The following PTPN4 variants were observed in gnomAD, a reference collection of about 807,000 sequenced individuals.
PTPN4 encodes the protein protein tyrosine phosphatase non-receptor type 4, also known as tyrosine-protein phosphatase non-receptor type 4.
In PTPN4, 49 loss-of-function variants were observed where a neutral mutation model predicts 135.5. The ratio of observed to expected loss-of-function variants is 0.36; its 90% CI spans 0.29 to 0.46. PTPN4 has a LOEUF of 0.46. Ranked by LOEUF, PTPN4 falls within the 20% of genes least tolerant of loss-of-function variation. The probability of loss-of-function intolerance (pLI) is 1.00; values close to 1 mark genes in which losing one functional copy is unlikely to be tolerated. For missense variants in PTPN4, 860 were observed against 1,101.0 expected (o/e 0.78, Z 3.10); for synonymous variants, 333 against 369.9 (o/e 0.90, Z 1.14).
chr2:119,877,687 T>C (rs1678005380), intron 5 of PTPN4, 145 bp downstream of exon 5: 1 of 1,182,312 alleles, frequency 8.5e-7, no homozygotes, highest in Non-Finnish European at 1.1e-6. Flanking sequence ...TATTCCAAGA[T>C]AACGTTTTCC....
intron 2 of PTPN4, among the ~76,000 whole-genome samples, chr2:119,847,870 G>T (rs1325553898): frequency 6.6e-6 from 1 of 152,132 alleles, no homozygotes; most frequent in African/African-American, 2.4e-5. Flanking sequence ...TAGTGTTTTT[G>T]CCTCTTTCAG....
At chr2:119,856,026 G>T (rs970770681) in intron 2 of PTPN4, among the ~76,000 whole-genome samples, 3 of 151,958 alleles carry the variant, frequency 2.0e-5, no homozygotes, top group African/African-American at 7.3e-5. Context: ...GGATGGTCTC[G>T]ATCTCCTGAC....
intron 10 of PTPN4, among the ~76,000 whole-genome samples, chr2:119,909,267 T>A (rs1678533789): frequency 6.6e-6 from 1 of 152,210 alleles, no homozygotes; most frequent in Admixed American, 6.5e-5. Context: ...AAGGACTGAC[T>A]GACTCTCTTG....
chr2:119,801,577 T>TA (rs1558730194), intron 1 of PTPN4, among the ~76,000 whole-genome samples: 1 of 152,202 alleles, frequency 6.6e-6, no homozygotes, highest in African/African-American at 2.4e-5. Context: ...TCAATTTTTT[T>TA]ATCAGCATTT....
At chr2:119,760,733 C>CTTTTTTTTTTTTTTTTTTTTT (rs59953430) in intron 1 of PTPN4, among the ~76,000 whole-genome samples, 1 of 79,908 alleles carries the variant, frequency 1.3e-5, no homozygotes, top group African/African-American at 5.1e-5. Context: ...GGTAGAATTC[C>CTTTTTTTTTTTTTTTTTTTTT]TTTTTTTTTT....
chr2:119,915,270 A>G lies in PTPN4; in HGVS notation c.828+28A>G, dbSNP rs759829339. 16 of 1,481,408 alleles carry G rather than the reference A, an allele frequency of 1.1e-5. No individual in the cohort carries two copies. The Admixed American group carries it at 2.5e-4, about 23-fold the overall frequency. The allele number at this position is 1,481,408 out of a possible 1,614,324, so 91.8% of individuals were successfully genotyped here. ...GAGTACGGATTTAATAATTATTGAC[A>G]TAAATGAAGCCTTTTAAGAAATACC... On this transcript the variant is annotated intron_variant, in intron 11 of 26. Coordinates refer to ENST00000263708, the MANE Select transcript of PTPN4 (RefSeq NM_002830.4).
Position 119,978,164 on chromosome 2 carries a change from T to A in PTPN4, c.*1094T>A, listed in dbSNP as rs1679644878. ...TTAAAAGATGCTTTTATGCTTCAAA[T>A]TTCATATTTATTTCATCCCTAACTT... On this transcript the variant is annotated 3_prime_UTR_variant, in exon 27 of 27. Coordinates refer to ENST00000263708, the MANE Select transcript of PTPN4 (RefSeq NM_002830.4). 6.6e-6 allele frequency: 1 copy of A among 152,218 alleles called. No individual in the cohort carries two copies. The highest frequency in any genetic ancestry group is 1.5e-5 in the Non-Finnish European group (1 of 68,038). 9.4% of individuals were successfully genotyped at this position (152,218 alleles called of 1,614,324 possible). A position where few individuals can be genotyped will look rare whatever the true frequency, so the allele number is the denominator to read the frequency against.
intron 2 of PTPN4, among the ~76,000 whole-genome samples, chr2:119,814,018 A>G (rs1676947334): frequency 6.6e-6 from 1 of 152,142 alleles, no homozygotes; most frequent in Non-Finnish European, 1.5e-5. Context: ...TTAAAAAAAA[A>G]TGTATATGTG....
chr2:119,762,315 G>A (rs755464853), intron 1 of PTPN4, among the ~76,000 whole-genome samples: 1 of 151,712 alleles, frequency 6.6e-6, no homozygotes, highest in Admixed American at 6.6e-5. Flanking sequence ...TACAATTTAC[G>A]TGAGATGGTA....
At chr2:119,968,838 G>T (rs191259128) in intron 26 of PTPN4, among the ~76,000 whole-genome samples, 298 of 152,134 alleles carry the variant, frequency 2.0e-3, no homozygotes, top group African/African-American at 6.9e-3. Flanking sequence ...CAGAAATTAA[G>T]TTACTTTTTA....
chr2:119,821,553 GT>G (rs1677068788), intron 2 of PTPN4, among the ~76,000 whole-genome samples: 1 of 152,046 alleles, frequency 6.6e-6, no homozygotes. Context: ...AGAGCATGTA[GT>G]TTTGGCTTTC....
At chr2:119,899,740 T>A (rs1678377383) in intron 9 of PTPN4, among the ~76,000 whole-genome samples, 1 of 152,156 alleles carries the variant, frequency 6.6e-6, no homozygotes, top group African/African-American at 2.4e-5. Flanking sequence ...AATACTCTGA[T>A]AATAGTGTAC....
rs1195912437 is a variant in PTPN4 at position 119,920,001 on chromosome 2, G to A, written c.829-68G>A. 5.3e-6 allele frequency: 8 copies of A among 1,517,776 alleles called. No homozygotes were observed. The South Asian group carries it at 8.3e-5, about 16-fold the overall frequency. 94.0% of individuals were successfully genotyped at this position (1,517,776 alleles called of 1,614,324 possible). ...GGCTAGAATAATTTATCTGTCAAAA[G>A]TAAATTAAATGGAGCATTAGATCCT... On this transcript the variant is annotated intron_variant, in intron 11 of 26. Transcript: ENST00000263708.
chr2:119,877,217 G>T, intron 3 of PTPN4, 106 bp from the exon 4 acceptor site: 2 of 1,283,984 alleles, frequency 1.6e-6, no homozygotes, highest in Non-Finnish European at 2.1e-6. Flanking sequence ...GGCCTTTTCT[G>T]AAATGCAGCT....
chr2:119,917,736 A>G (rs969403582), intron 11 of PTPN4, among the ~76,000 whole-genome samples: 33 of 152,124 alleles, frequency 2.2e-4, no homozygotes, highest in Non-Finnish European at 4.0e-4. Context: ...CTCAAAAAAA[A>G]CAAAAGAAAA....
chr2:119,891,646 A>T (rs532343038), intron 9 of PTPN4, among the ~76,000 whole-genome samples: 124 of 152,298 alleles, frequency 8.1e-4, no homozygotes, highest in African/African-American at 2.7e-3. Flanking sequence ...TTAAAAAAAT[A>T]TCTCTTTGGT....
intron 1 of PTPN4, among the ~76,000 whole-genome samples, chr2:119,764,847 T>G (rs980222562): frequency 6.6e-6 from 1 of 152,212 alleles, no homozygotes; most frequent in African/African-American, 2.4e-5. Flanking sequence ...ATAGCTATTT[T>G]TTGTTTCTTT....
Position 119,982,501 on chromosome 2 carries a change from A to C in PTPN4, c.*5431A>C, listed in dbSNP as rs1171190466. The C allele has an allele frequency of 1.3e-5, 2 of 152,218 alleles. No individual in the cohort carries two copies. Among genetic ancestry groups the C allele is most frequent in the Non-Finnish European group, 2.9e-5 (2 of 68,032 alleles). 9.4% of individuals were successfully genotyped at this position (152,218 alleles called of 1,614,324 possible). On this transcript the variant is annotated 3_prime_UTR_variant, in exon 27 of 27. Coordinates refer to ENST00000263708, the MANE Select transcript of PTPN4 (RefSeq NM_002830.4). ...ATTTTCATTATAAACAAGAGCAATC[A>C]TTGAAGCATTTTCAGATATAATGTA...
chr2:119,971,381 T>G (rs1679531831), intron 26 of PTPN4, among the ~76,000 whole-genome samples: 1 of 152,214 alleles, frequency 6.6e-6, no homozygotes, highest in Non-Finnish European at 1.5e-5. Flanking sequence ...GAATTACTAT[T>G]TGACATGAGA....
Sources: allele counts gnomAD v4.1 joint callset (sites outside exome capture counted in the v4.1 genomes callset), GRCh38; gene constraint gnomAD v4.1.1; transcripts MANE v1.5; gene names NCBI Gene and HGNC (gene_info 2026-07-23, HGNC 2026-07-21).